Variants in CSNK1G1 observed in about 807,000 individuals in gnomAD.
CSNK1G1 encodes casein kinase I isoform gamma-1.
Under a neutral mutation model 59.6 loss-of-function variants are expected in CSNK1G1, and 22 were observed. The observed-to-expected ratio is 0.37, with a 90% confidence interval of 0.26 to 0.53. The LOEUF (loss-of-function observed/expected upper bound fraction) is 0.53, where lower values mean the gene tolerates loss of function less well. Ranked by LOEUF, CSNK1G1 falls within the 20% of genes least tolerant of loss-of-function variation. The probability of loss-of-function intolerance (pLI) is 0.89; values close to 1 mark genes in which losing one functional copy is unlikely to be tolerated. For synonymous variants in CSNK1G1, 179 were observed against 177.1 expected (o/e 1.01, Z -0.08); for missense variants, 384 against 519.5 (o/e 0.74, Z 2.54).
rs528512700 is a variant in CSNK1G1, at chr15:64,232,754, C to T, written c.293-16041G>A. Reference sequence around the variant, plus strand: ...TTAAACAAGCATTCTCTAACGGCAGCCACTAAAAGCTCTACTCAATGCCAG... The same window carrying T: ...TTAAACAAGCATTCTCTAACGGCAGTCACTAAAAGCTCTACTCAATGCCAG... On this transcript the variant is annotated intron_variant, in intron 4 of 11. Coordinates refer to ENST00000303052, the MANE Select transcript of CSNK1G1 (RefSeq NM_022048.5). 4.6e-5 allele frequency among the ~76,000 whole-genome samples: 7 copies of T among 152,204 alleles called. 1 individual carries two copies. The South Asian group carries it at 1.4e-3, about 31-fold the overall frequency.
At chr15:64,298,529 G>A (rs999990105) in intron 2 of CSNK1G1, among the ~76,000 whole-genome samples, 7 of 152,012 alleles carry the variant, frequency 4.6e-5, no homozygotes, top group African/African-American at 9.7e-5. Flanking sequence ...TTGGTAACCC[G>A]AACACAATTC....
chr15:64,214,048 C>T lies in CSNK1G1; in HGVS notation c.521G>A (p.Arg174Gln), dbSNP rs756339325. The T allele has an allele frequency of 5.0e-6, 8 of 1,614,002 alleles. No homozygotes were observed. Among genetic ancestry groups the T allele is most frequent in the Admixed American group, 1.7e-5 (1 of 59,994 alleles). Residue 174 changes from arginine (R) to glutamine (Q), a missense_variant, in exon 6 of 12, where the codon CGA (arginine) becomes CAA (glutamine). Arg to Gln is a conservative substitution (Grantham distance 43, BLOSUM62 1). Around this residue, in one of 3 missense-constraint regions of CSNK1G1, gnomAD observed 325 missense variants for 440.9 expected, o/e 0.74. Coordinates refer to ENST00000303052, the MANE Select transcript of CSNK1G1 (RefSeq NM_022048.5). This position sits in a 1 kb window ranked among gnomAD's most constrained non-coding sequence, Gnocchi z 4.3. ...AACATGCTCTTTCTTATTGCCTTGT[C>T]GACCAATCAGGAAGTTCTCTGGCTT... is the stretch of plus-strand genomic sequence containing the variant. ...DVKPENFLIG[R>Q]QGNKKEHVIH...
intron 2 of CSNK1G1, among the ~76,000 whole-genome samples, chr15:64,297,400 G>T (rs1304557743): frequency 6.6e-6 from 1 of 152,010 alleles, no homozygotes; most frequent in Non-Finnish European, 1.5e-5. Flanking sequence ...CAAGTGTAAA[G>T]GCTCTGAAGC....
At chr15:64,346,089 T>C (rs1596303875) in intron 1 of CSNK1G1, among the ~76,000 whole-genome samples, 1 of 151,834 alleles carries the variant, frequency 6.6e-6, no homozygotes, top group Non-Finnish European at 1.5e-5. Context: ...CAGAAAAAAT[T>C]TGCATAAACC....
At chr15:64,197,807 G>A (rs1343067671) in intron 10 of CSNK1G1, among the ~76,000 whole-genome samples, 4 of 151,908 alleles carry the variant, frequency 2.6e-5, no homozygotes, top group Admixed American at 6.6e-5. Context: ...GCACCAACTC[G>A]CCAGCCCAGC....
intron 1 of CSNK1G1, among the ~76,000 whole-genome samples, chr15:64,347,884 T>C (rs771260841): frequency 6.6e-6 from 1 of 151,792 alleles, no homozygotes; most frequent in Non-Finnish European, 1.5e-5. Context: ...CATGTGCCTG[T>C]AATCCCAGCT....
In CSNK1G1 at chr15:64,203,093, G is replaced by A. The variant is rs936576896; in HGVS notation, c.1096C>T (p.Leu366Phe). ...GGATCAACACATACCTGATTTCGAA[G>A]AGGCTGCTGTTGTGATGGCCGATCC... ...HRDRPSQQQP[L>F]RNQVVSSTNG... Residue 366 changes from leucine to phenylalanine, a missense_variant, in exon 10 of 12, where the codon CTT (leucine) becomes TTT (phenylalanine). Physicochemically the swap from Leu to Phe is conservative, Grantham distance 22 (BLOSUM62 0). This residue lies in a region of CSNK1G1 where 325 missense variants were observed against 440.9 expected (regional missense o/e 0.74). Coordinates refer to ENST00000303052, the MANE Select transcript of CSNK1G1 (RefSeq NM_022048.5). 3 of 1,613,290 alleles carry A rather than the reference G, an allele frequency of 1.9e-6. No individual in the cohort carries two copies. Among genetic ancestry groups the A allele is most frequent in the Admixed American group, 3.3e-5 (2 of 60,014 alleles).
At chr15:64,316,185 A>G (rs1426886075) in intron 1 of CSNK1G1, among the ~76,000 whole-genome samples, 6 of 147,986 alleles carry the variant, frequency 4.1e-5, no homozygotes, top group Non-Finnish European at 8.9e-5. Flanking sequence ...AGCCACTGGC[A>G]CTCAGTTTTG....
At chr15:64,266,757 C>T (rs1243337353) in intron 2 of CSNK1G1, among the ~76,000 whole-genome samples, 1 of 152,152 alleles carries the variant, frequency 6.6e-6, no homozygotes, top group African/African-American at 2.4e-5. Context: ...AGAATATACA[C>T]TGGGGAAAAC....
chr15:64,322,817 C>G (rs1054847025), intron 1 of CSNK1G1, among the ~76,000 whole-genome samples: 1 of 152,032 alleles, frequency 6.6e-6, no homozygotes, highest in African/African-American at 2.4e-5. Context: ...GAGATCCTAT[C>G]TCAAAAACTA....
rs747607584 is a variant in CSNK1G1, at chr15:64,201,750, G to GTGTGTT, written c.1107+1331_1107+1332insAACACA. On this transcript the variant is annotated intron_variant, in intron 10 of 11. Transcript: ENST00000303052. ...TGTGTGTGTGTGTGTGTGTGTGTGT[G>GTGTGTT]TTTATATACTATTCTTAACCTATAT... Among the ~76,000 whole-genome samples, 324 of 106,320 alleles carry GTGTGTT rather than the reference G, an allele frequency of 3.0e-3. 2 individuals carry two copies. Among genetic ancestry groups the GTGTGTT allele is most frequent in the African/African-American group, 0.012 (289 of 23,914 alleles). The allele number at this position is 106,320 out of a possible 152,430, so 69.8% of individuals were successfully genotyped here.
intron 1 of CSNK1G1, among the ~76,000 whole-genome samples, chr15:64,345,122 ATGTTT>A (rs1365864656): frequency 7.9e-5 from 12 of 152,352 alleles, no homozygotes; most frequent in Middle Eastern, 3.4e-3. Context: ...TAAGGTTAAA[ATGTTT>A]TAGAAAATAG....
intron 4 of CSNK1G1, among the ~76,000 whole-genome samples, chr15:64,222,436 CCAAAAAAAA>C (rs2082401882): frequency 1.7e-5 from 2 of 114,674 alleles, no homozygotes; most frequent in Admixed American, 1.8e-4. Flanking sequence ...AACAACACCA[CCAAAAAAAA>C]AAAAAAAAAA....
intron 1 of CSNK1G1, among the ~76,000 whole-genome samples, chr15:64,316,565 A>T (rs1408257953): frequency 1.3e-5 from 2 of 150,704 alleles, no homozygotes; most frequent in African/African-American, 5.0e-5. Context: ...AAGAAAAGAA[A>T]AAAAGTTAAT....
chr15:64,205,650 A>C (rs2082168005), intron 7 of CSNK1G1, among the ~76,000 whole-genome samples: 1 of 152,204 alleles, frequency 6.6e-6, no homozygotes, highest in Non-Finnish European at 1.5e-5. Flanking sequence ...TTCTGAAGTA[A>C]ATAGGAGAAA....
chr15:64,293,822 T>A (rs892174643), intron 2 of CSNK1G1, among the ~76,000 whole-genome samples: 13 of 152,234 alleles, frequency 8.5e-5, no homozygotes, highest in African/African-American at 2.9e-4. Flanking sequence ...TACTTGATGA[T>A]CTAGGGTGGA....
chr15:64,210,941 C>T lies in CSNK1G1; in HGVS notation c.679+2949G>A, dbSNP rs974803786. ...GTGAGAAGAGCCTAGCACCCCCCTTCCCATGTGATCTGCACATGCTGGCTG... is the reference window on the plus strand; with the variant it reads ...GTGAGAAGAGCCTAGCACCCCCCTTTCCATGTGATCTGCACATGCTGGCTG... On this transcript the variant is annotated intron_variant, in intron 6 of 11. Coordinates refer to ENST00000303052, the MANE Select transcript of CSNK1G1 (RefSeq NM_022048.5). This position sits in a 1 kb window ranked among gnomAD's most constrained non-coding sequence, Gnocchi z 4.2. Among the ~76,000 whole-genome samples the T allele has an allele frequency of 2.6e-5, 4 of 152,176 alleles. No individual in the cohort carries two copies. The East Asian group carries it at 7.7e-4, about 29-fold the overall frequency.
rs182523387 is a variant in CSNK1G1 at position 64,308,181 on chromosome 15, C to T, written c.-224-7458G>A. Among the ~76,000 whole-genome samples, 189 of 152,304 alleles carry T rather than the reference C, an allele frequency of 1.2e-3. 1 individual carries two copies. Among genetic ancestry groups the T allele is most frequent in the African/African-American group, 4.4e-3 (181 of 41,558 alleles). ...AATAAAATTTGTCTTTGGGTTTACA[C>T]CTTCAGATCCCTTACTTTTTTCAGT... On this transcript the variant is annotated intron_variant, in intron 1 of 11. Transcript: ENST00000303052.
chr15:64,228,794 T>C (rs982391846), intron 4 of CSNK1G1, among the ~76,000 whole-genome samples: 4 of 152,132 alleles, frequency 2.6e-5, no homozygotes, highest in Non-Finnish European at 4.4e-5. Flanking sequence ...GGCAGGTGGA[T>C]TGCTTGTGCT....
Sources: gnomAD v4.1 joint callset for allele counts (sites outside exome capture counted in the v4.1 genomes callset) on GRCh38, gnomAD v4.1.1 for gene constraint, gnomAD v4.1.1 regional missense constraint, Gnocchi (gnomAD v3.1) non-coding constraint, MANE v1.5 for transcripts, NCBI Gene and HGNC (gene_info 2026-07-23, HGNC 2026-07-21) for gene names.